Variants in KCNIP4 observed in about 807,000 individuals in gnomAD.
The protein encoded by KCNIP4 is Kv channel-interacting protein 4.
In KCNIP4, 12 loss-of-function variants were observed where a neutral mutation model predicts 34.0. That is an observed-to-expected ratio of 0.35 (90% confidence interval 0.23 to 0.57). The LOEUF is 0.57. Among genes scored for constraint, KCNIP4 ranks in the 20% least tolerant of loss-of-function variants. KCNIP4 has a pLI of 0.83. For missense variants in KCNIP4, 238 were observed against 311.7 expected (o/e 0.76, Z 1.78); for synonymous variants, 124 against 102.2 (o/e 1.21, Z -1.29).
chr4:21,249,137 A>G (rs188752391), intron 1 of KCNIP4, among the ~76,000 whole-genome samples: 13 of 152,292 alleles, frequency 8.5e-5, no homozygotes, highest in Non-Finnish European at 1.9e-4. Flanking sequence ...AATCAACAGT[A>G]AGAAGGGGGC....
rs528102626 is a variant in KCNIP4, at chr4:20,850,121, A to G, written c.288+422T>C. Among the ~76,000 whole-genome samples the G allele has an allele frequency of 4.6e-5, 7 of 152,300 alleles. No homozygotes were observed. In the East Asian group the frequency reaches 1.4e-3, roughly 29 times the overall value. On this transcript the variant is annotated intron_variant, in intron 3 of 8. Transcript: ENST00000382152. ...AGACATTGGCAGCATGGTTTTTTAA[A>G]CTATAAAAGTTACAGTAATTATCCT...
At chr4:21,760,692 C>T (rs939143815) in intron 1 of KCNIP4, among the ~76,000 whole-genome samples, 10 of 152,126 alleles carry the variant, frequency 6.6e-5, no homozygotes, top group African/African-American at 2.2e-4. Flanking sequence ...ATTAGAAATC[C>T]TCTCTAAATT....
intron 1 of KCNIP4, among the ~76,000 whole-genome samples, chr4:21,315,938 A>G (rs1038020305): frequency 6.6e-6 from 1 of 152,176 alleles, no homozygotes; most frequent in African/African-American, 2.4e-5. Flanking sequence ...CCAAGGAACT[A>G]TCCATCCTCA....
chr4:21,620,900 C>T (rs1172738131), intron 1 of KCNIP4, among the ~76,000 whole-genome samples: 1 of 152,166 alleles, frequency 6.6e-6, no homozygotes, highest in East Asian at 1.9e-4. Context: ...CAGTCTGCTC[C>T]AAACCTCCAT....
intron 1 of KCNIP4, among the ~76,000 whole-genome samples, chr4:21,545,907 G>T (rs1477878442): frequency 6.6e-6 from 1 of 152,208 alleles, no homozygotes; most frequent in East Asian, 1.9e-4. Context: ...CCAGTAATGG[G>T]ATTGCTGGGT....
chr4:21,248,284 G>A (rs1387451063), intron 1 of KCNIP4, among the ~76,000 whole-genome samples: 3 of 151,782 alleles, frequency 2.0e-5, no homozygotes, highest in South Asian at 2.1e-4. Context: ...TTTAGGAGAT[G>A]GTCTAAAGCT....
chr4:21,008,649 A>G (rs1045997170), intron 1 of KCNIP4, among the ~76,000 whole-genome samples: 2 of 150,784 alleles, frequency 1.3e-5, no homozygotes, highest in Non-Finnish European at 3.0e-5. Flanking sequence ...TCAGCCTCCC[A>G]AGTAGCTGGG....
chr4:20,941,474 T>C (rs1731633088), intron 1 of KCNIP4, among the ~76,000 whole-genome samples: 1 of 152,228 alleles, frequency 6.6e-6, no homozygotes, highest in African/African-American at 2.4e-5. Context: ...TGGAACATTC[T>C]GGTGGTGCCA....
At chr4:21,751,560 G>A (rs924459844) in intron 1 of KCNIP4, among the ~76,000 whole-genome samples, 1 of 152,030 alleles carries the variant, frequency 6.6e-6, no homozygotes, top group Admixed American at 6.6e-5. Flanking sequence ...CTAGGTAAAG[G>A]GTGCATAAGC....
intron 1 of KCNIP4, among the ~76,000 whole-genome samples, chr4:20,906,064 C>T (rs1015881726): frequency 2.0e-5 from 3 of 150,604 alleles, no homozygotes; most frequent in Non-Finnish European, 4.4e-5. Context: ...TCCCTCCCTC[C>T]CTCCCTTCCC....
At chr4:21,326,429 T>G (rs1172500179) in intron 1 of KCNIP4, among the ~76,000 whole-genome samples, 3 of 151,120 alleles carry the variant, frequency 2.0e-5, no homozygotes, top group African/African-American at 7.3e-5. Context: ...CCTGCTGTTT[T>G]TTGGTTTCCA....
intron 1 of KCNIP4, among the ~76,000 whole-genome samples, chr4:21,155,265 T>C (rs1213526671): frequency 6.6e-6 from 1 of 152,174 alleles, no homozygotes; most frequent in Non-Finnish European, 1.5e-5. Flanking sequence ...GTGTTTTCTA[T>C]TATGTGCAGA....
intron 1 of KCNIP4, among the ~76,000 whole-genome samples, chr4:21,242,509 C>T (rs2109054025): frequency 1.3e-5 from 2 of 152,242 alleles, no homozygotes; most frequent in South Asian, 4.2e-4. Flanking sequence ...GTGAAGGTGT[C>T]TCCATGTGAG....
At chr4:20,763,298 C>T (rs1373942855) in intron 3 of KCNIP4, among the ~76,000 whole-genome samples, 1 of 152,160 alleles carries the variant, frequency 6.6e-6, no homozygotes, top group African/African-American at 2.4e-5. Context: ...ACCTGTATAA[C>T]ACAGTTAAAA....
At chr4:20,810,722 T>A (rs915665690) in intron 3 of KCNIP4, among the ~76,000 whole-genome samples, 1 of 152,088 alleles carries the variant, frequency 6.6e-6, no homozygotes, top group South Asian at 2.1e-4. Flanking sequence ...AAACCAGCCA[T>A]GAGAATAAGA....
chr4:21,485,962 A>AACTCACCAG (rs1731869541), intron 1 of KCNIP4, among the ~76,000 whole-genome samples: 1 of 151,982 alleles, frequency 6.6e-6, no homozygotes, highest in Non-Finnish European at 1.5e-5. Context: ...TGCTTCCCAC[A>AACTCACCAG]GCCTGGGATT....
chr4:20,796,389 T>C (rs1713470711), intron 3 of KCNIP4, among the ~76,000 whole-genome samples: 1 of 152,126 alleles, frequency 6.6e-6, no homozygotes, highest in Admixed American at 6.6e-5. Context: ...GAACTGGTTT[T>C]TAACCACGTT....
chr4:21,275,788 T>C (rs951568919), intron 1 of KCNIP4, among the ~76,000 whole-genome samples: 1 of 152,170 alleles, frequency 6.6e-6, no homozygotes, highest in Non-Finnish European at 1.5e-5. Context: ...CGTTGTAGAA[T>C]TCCAATTGCG....
intron 1 of KCNIP4, among the ~76,000 whole-genome samples, chr4:20,916,985 TTATATATATATATATATA>T (rs1157104290): frequency 9.7e-4 from 40 of 41,352 alleles, no homozygotes; most frequent in South Asian, 7.1e-3. Context: ...CATCTTATGT[TTATATATATATATATATA>T]TATATATATA....
Sources: gnomAD v4.1 joint callset for allele counts (sites outside exome capture counted in the v4.1 genomes callset) on GRCh38, gnomAD v4.1.1 for gene constraint, MANE v1.5 for transcripts, NCBI Gene and HGNC (gene_info 2026-07-23, HGNC 2026-07-21) for gene names.